Variants in MKLN1 observed in about 807,000 individuals in gnomAD.
MKLN1 encodes the protein muskelin 1.
A neutral mutation model predicts 99.0 loss-of-function variants in MKLN1; 18 were observed. The observed-to-expected ratio is 0.18, with a 90% CI of 0.13 to 0.27. The LOEUF is 0.27. Among genes scored for constraint, MKLN1 ranks in the 10% least tolerant of loss-of-function variants. The pLI, the probability that MKLN1 is intolerant of heterozygous loss-of-function variation, is 1.00. For synonymous variants in MKLN1, 288 were observed against 293.2 expected, an observed-to-expected ratio of 0.98 and a Z score of 0.18; for missense variants, 621 against 875.9, an observed-to-expected ratio of 0.71 and a Z score of 3.67.
chr7:131,238,172 G>A (rs1190057731), intron 3 of MKLN1, among the ~76,000 whole-genome samples: 31 of 152,040 alleles, frequency 2.0e-4, no homozygotes, highest in Non-Finnish European at 7.4e-5. Context: ...AAAGCTAAAG[G>A]GCTATCTTGA....
At chr7:131,348,424 A>G (rs1799624511) in intron 1 of MKLN1, among the ~76,000 whole-genome samples, 1 of 152,190 alleles carries the variant, frequency 6.6e-6, no homozygotes, top group East Asian at 1.9e-4. Context: ...CTAACACAAA[A>G]CAAGGTACAC....
At chr7:131,389,998 A>G (rs1251933203) in intron 4 of MKLN1, among the ~76,000 whole-genome samples, 5 of 152,222 alleles carry the variant, frequency 3.3e-5, no homozygotes, top group Admixed American at 2.6e-4. Flanking sequence ...TTGAAGAATA[A>G]TAATAAAAGC....
At chr7:131,145,310 G>A (rs920036868) in intron 2 of MKLN1, among the ~76,000 whole-genome samples, 1 of 152,152 alleles carries the variant, frequency 6.6e-6, no homozygotes, top group African/African-American at 2.4e-5. Context: ...GAGTGGGGGC[G>A]AGGTGGCTTA....
intron 2 of MKLN1, among the ~76,000 whole-genome samples, chr7:131,146,957 T>A (rs1405998946): frequency 6.6e-6 from 1 of 152,200 alleles, no homozygotes; most frequent in African/African-American, 2.4e-5. Flanking sequence ...GCGTGTATGT[T>A]TTTTAAGTAT....
At chr7:131,260,796 A>G (rs962088176) in intron 3 of MKLN1, among the ~76,000 whole-genome samples, 4 of 152,232 alleles carry the variant, frequency 2.6e-5, no homozygotes, top group African/African-American at 9.6e-5. Flanking sequence ...GTACAAAAAC[A>G]GACACATAGA....
intron 2 of MKLN1, among the ~76,000 whole-genome samples, chr7:131,157,973 C>T (rs186314465): frequency 1.4e-3 from 211 of 152,196 alleles, no homozygotes; most frequent in East Asian, 0.014. Flanking sequence ...TGTCCCTGCC[C>T]GAGGAATCCC....
chr7:131,409,897 G>A (rs1794823037), intron 6 of MKLN1, among the ~76,000 whole-genome samples: 1 of 152,062 alleles, frequency 6.6e-6, no homozygotes, highest in Non-Finnish European at 1.5e-5. Flanking sequence ...AGAATTGACT[G>A]CATTCTTGTA....
intron 3 of MKLN1, among the ~76,000 whole-genome samples, chr7:131,235,780 T>C (rs1797312801): frequency 6.6e-6 from 1 of 152,190 alleles, no homozygotes. Context: ...TTTTAACCAT[T>C]GGTGCCCCGC....
intron 3 of MKLN1, among the ~76,000 whole-genome samples, chr7:131,263,172 A>G (rs1797757982): frequency 6.6e-6 from 1 of 152,036 alleles, no homozygotes; most frequent in South Asian, 2.1e-4. Flanking sequence ...GATGAGGCCA[A>G]TACCGATTAC....
intron 15 of MKLN1, among the ~76,000 whole-genome samples, chr7:131,470,207 C>G (rs1277967473): frequency 6.6e-6 from 1 of 152,104 alleles, no homozygotes; most frequent in East Asian, 1.9e-4. Flanking sequence ...TAAAATAGAT[C>G]ATCATCATTG....
intron 1 of MKLN1, among the ~76,000 whole-genome samples, chr7:131,333,138 G>C (rs1799128359): frequency 6.6e-6 from 1 of 152,170 alleles, no homozygotes. Context: ...TGGCCAGGCT[G>C]GTCTTGAATT....
intron 3 of MKLN1, among the ~76,000 whole-genome samples, chr7:131,268,979 T>C (rs1315052984): frequency 6.6e-6 from 1 of 152,214 alleles, no homozygotes; most frequent in Non-Finnish European, 1.5e-5. Flanking sequence ...TGTTCACACA[T>C]AGGACTTTCC....
intron 3 of MKLN1, among the ~76,000 whole-genome samples, chr7:131,239,302 C>T (rs1400702862): frequency 6.6e-6 from 1 of 151,804 alleles, no homozygotes; most frequent in Non-Finnish European, 1.5e-5. Context: ...TGTGTTACCT[C>T]ATATGCTTAT....
At position 131,142,627 on chromosome 7, in the gene MKLN1, C is replaced by T. The variant is rs190587950; in HGVS notation, c.-418-193C>T. On this transcript the variant is annotated intron_variant, in intron 1 of 7. Transcript: ENST00000416992. ...GCGGGCGCCTGTAGTCCCAGCTACT[C>T]GGGAGGCTGAGGCAGGAGAATGGCG... Among the ~76,000 whole-genome samples the T allele has an allele frequency of 5.1e-4, 78 of 151,460 alleles. No individual in the cohort carries two copies. The Middle Eastern group carries it at 0.017, about 33-fold the overall frequency.
intron 3 of MKLN1, among the ~76,000 whole-genome samples, chr7:131,249,729 C>T (rs1035001755): frequency 1.3e-5 from 2 of 152,120 alleles, no homozygotes; most frequent in Non-Finnish European, 2.9e-5. Context: ...GGCAGCAGTG[C>T]CCAGCCACAG....
At chr7:131,174,090 A>T (rs1190946512) in intron 2 of MKLN1, among the ~76,000 whole-genome samples, 1 of 148,202 alleles carries the variant, frequency 6.7e-6, no homozygotes, top group Non-Finnish European at 1.5e-5. Flanking sequence ...CTCCCGCCTC[A>T]GCCTCCCGAG....
chr7:131,223,752 T>C (rs902452115), intron 3 of MKLN1, among the ~76,000 whole-genome samples: 2 of 152,104 alleles, frequency 1.3e-5, no homozygotes, highest in Non-Finnish European at 2.9e-5. Context: ...ATACACTGCA[T>C]GTGCTTTTTT....
chr7:131,206,887 C>G lies in MKLN1; in HGVS notation c.-179+3913C>G, dbSNP rs754858054. The stretch of plus-strand genomic sequence containing the variant: ...TAGTATATTTTGGGAGGCACTCACC[C>G]CCATATTTTATTTTTATTAATGCAT... On this transcript the variant is annotated intron_variant, in intron 3 of 7. Transcript: ENST00000416992. Among the ~76,000 whole-genome samples the G allele has an allele frequency of 2.0e-4, 31 of 152,184 alleles. No homozygotes were observed. In the South Asian group the frequency reaches 2.1e-3, roughly 10 times the overall value.
At chr7:131,282,220 A>G (rs922244027) in intron 3 of MKLN1, among the ~76,000 whole-genome samples, 12 of 151,954 alleles carry the variant, frequency 7.9e-5, no homozygotes, top group Non-Finnish European at 1.3e-4. Flanking sequence ...ATGGTGGCGC[A>G]TGCCTGTAAT....
Sources: gnomAD v4.1 joint callset for allele counts (sites outside exome capture counted in the v4.1 genomes callset) on GRCh38, gnomAD v4.1.1 for gene constraint, MANE v1.5 for transcripts, NCBI Gene and HGNC (gene_info 2026-07-23, HGNC 2026-07-21) for gene names.